The following RPTOR variants were observed in gnomAD, a reference collection of about 807,000 sequenced individuals.
The protein encoded by RPTOR is regulatory-associated protein of mTOR.
In RPTOR, 21 loss-of-function variants were observed where a neutral mutation model predicts 169.9. The observed-to-expected ratio is 0.12, with a 90% confidence interval of 0.09 to 0.18. The LOEUF is 0.18. RPTOR is among the 10% of genes least tolerant of loss of function. The pLI, the probability that RPTOR is intolerant of heterozygous loss-of-function variation, is 1.00. For synonymous variants in RPTOR, 732 were observed against 753.2 expected, an observed-to-expected ratio of 0.97 and a Z score of 0.46; for missense variants, 1,133 against 1,855.9, an observed-to-expected ratio of 0.61 and a Z score of 7.16.
At chr17:80,920,384 G>A (rs2068730858) in intron 21 of RPTOR, among the ~76,000 whole-genome samples, 1 of 152,224 alleles carries the variant, frequency 6.6e-6, no homozygotes. Context: ...TCCTGATCCA[G>A]GTGTGTGTCT....
intron 3 of RPTOR, among the ~76,000 whole-genome samples, chr17:80,665,072 C>A (rs1409668982): frequency 6.6e-6 from 1 of 152,064 alleles, no homozygotes; most frequent in Non-Finnish European, 1.5e-5. Context: ...GAAAGGATAT[C>A]ACTGAGATCT....
At chr17:80,869,169 AT>A (rs2068025338) in intron 13 of RPTOR, among the ~76,000 whole-genome samples, 1 of 151,944 alleles carries the variant, frequency 6.6e-6, no homozygotes, top group Non-Finnish European at 1.5e-5. Context: ...TTGTTTTTTT[AT>A]TTTTTCTGAG....
At chr17:80,665,386 TC>T (rs2065759547) in intron 3 of RPTOR, among the ~76,000 whole-genome samples, 3 of 7,116 alleles carry the variant, frequency 4.2e-4, no homozygotes, top group Admixed American at 3.4e-3. Context: ...TCCTTTCCTT[TC>T]CTTTCCTTTC....
rs182943905 is a variant in RPTOR at position 80,779,101 on chromosome 17, G to A, written c.831-12349G>A. 7.2e-4 allele frequency among the ~76,000 whole-genome samples: 109 copies of A among 152,318 alleles called. No homozygotes were observed. In the Middle Eastern group the frequency reaches 0.01, roughly 14 times the overall value. On this transcript the variant is annotated intron_variant, in intron 6 of 33. Coordinates refer to ENST00000306801, the MANE Select transcript of RPTOR (RefSeq NM_020761.3). ...CAGAAACACAGCCGTGGGCTGAGAT[G>A]CACCTTCTGAGCCCATGGCTGTCCT...
chr17:80,892,572 G>A (rs558379699), intron 18 of RPTOR, among the ~76,000 whole-genome samples, 157 bp from the exon 19 acceptor site: 16 of 152,268 alleles, frequency 1.1e-4, no homozygotes, highest in African/African-American at 3.6e-4. Flanking sequence ...CTCCGCTCAC[G>A]TCTGAGTCTC....
At chr17:80,895,325 C>T (rs985329645) in intron 20 of RPTOR, among the ~76,000 whole-genome samples, 8 of 152,308 alleles carry the variant, frequency 5.3e-5, no homozygotes, top group African/African-American at 7.2e-5. Flanking sequence ...CCCAGCCCCA[C>T]GCCCCACCTG....
chr17:80,623,919 A>T (rs1158532855), intron 1 of RPTOR, among the ~76,000 whole-genome samples: 1 of 151,932 alleles, frequency 6.6e-6, no homozygotes, highest in African/African-American at 2.4e-5. Flanking sequence ...ATTTTTAGAG[A>T]TGGGGTCTTG....
rs1050957802 is a variant in RPTOR at position 80,845,659 on chromosome 17, G to A, written c.1213-814G>A. The stretch of plus-strand genomic sequence containing the variant: ...CCCCAGCTGGGTCTTTCTCACCAGC[G>A]TCCTGTCCCCATTACTCCACATCTA... On this transcript the variant is annotated intron_variant, in intron 10 of 33. Coordinates refer to ENST00000306801, the MANE Select transcript of RPTOR (RefSeq NM_020761.3). The surrounding 1 kb of genome is among the most constrained non-coding windows in gnomAD (Gnocchi z 5.4). 3.3e-5 allele frequency among the ~76,000 whole-genome samples: 5 copies of A among 151,748 alleles called. No individual in the cohort carries two copies. The highest frequency in any genetic ancestry group is 9.7e-5 in the African/African-American group (4 of 41,286).
intron 6 of RPTOR, among the ~76,000 whole-genome samples, chr17:80,786,332 GT>G (rs900103451): frequency 1.5e-4 from 23 of 151,486 alleles, no homozygotes; most frequent in African/African-American, 4.4e-4. Flanking sequence ...ATACATGTGG[GT>G]TTTTTTTTAA....
intron 7 of RPTOR, chr17:80,801,758 G>A (rs1410777162): frequency 6.6e-6 from 1 of 152,214 alleles, no homozygotes; most frequent in Non-Finnish European, 1.5e-5. Flanking sequence ...GGCACTAGAC[G>A]CTGATTTAGA....
intron 9 of RPTOR, among the ~76,000 whole-genome samples, chr17:80,834,770 C>T (rs754522832): frequency 5.9e-5 from 9 of 152,154 alleles, no homozygotes; most frequent in Non-Finnish European, 1.2e-4. Context: ...ATAGGCTTTC[C>T]GGGAGGCATG....
At chr17:80,883,308 T>A in intron 14 of RPTOR, 111 bp from the exon 15 acceptor site, 1 of 949,008 alleles carries the variant, frequency 1.1e-6, no homozygotes. Flanking sequence ...CTCGTTACTT[T>A]AATTATGCGC....
rs529464389 is a variant in RPTOR at position 80,903,250 on chromosome 17, C to T, written c.2402-5561C>T. ...GCGGCAGAGCCAGAAGCCCCGCAGG[C>T]CGCCTGTGCTCTCCACACCTGAACA... On this transcript the variant is annotated intron_variant, in intron 20 of 33. Transcript: ENST00000306801. 8.5e-5 allele frequency among the ~76,000 whole-genome samples: 13 copies of T among 152,348 alleles called. No individual in the cohort carries two copies. The East Asian group carries it at 2.3e-3, about 27-fold the overall frequency.
At chr17:80,775,892 A>G (rs183730285) in intron 6 of RPTOR, among the ~76,000 whole-genome samples, 25 of 152,344 alleles carry the variant, frequency 1.6e-4, no homozygotes, top group Admixed American at 1.6e-3. Flanking sequence ...TATTGTTTTT[A>G]ATTTGAAGAT....
chr17:80,692,974 G>C (rs1031234513), intron 3 of RPTOR, among the ~76,000 whole-genome samples: 8 of 152,104 alleles, frequency 5.3e-5, no homozygotes, highest in African/African-American at 1.9e-4. Context: ...CGTAACCTTG[G>C]GTACATTTAT....
intron 29 of RPTOR, among the ~76,000 whole-genome samples, chr17:80,958,567 C>T (rs1392394157): frequency 2.0e-5 from 3 of 151,804 alleles, no homozygotes; most frequent in African/African-American, 4.8e-5. Context: ...CCCACCACCA[C>T]GCCCAGCTAA....
chr17:80,714,744 C>T (rs965299692), intron 4 of RPTOR, among the ~76,000 whole-genome samples: 10 of 151,994 alleles, frequency 6.6e-5, no homozygotes, highest in Admixed American at 2.0e-4. Context: ...TTTTTTGAAA[C>T]GGAGTCTCTC....
chr17:80,735,986 G>C (rs964120788), intron 5 of RPTOR, among the ~76,000 whole-genome samples: 8 of 152,094 alleles, frequency 5.3e-5, no homozygotes, highest in Admixed American at 5.2e-4. Flanking sequence ...AGCCTGGGCA[G>C]CATAGCGAAA....
In RPTOR at chr17:80,860,511, C is replaced by T. The variant is rs2067905972; in HGVS notation, c.1509+2611C>T. Among the ~76,000 whole-genome samples, 1 of 152,124 alleles carries T rather than the reference C, an allele frequency of 6.6e-6. No homozygotes were observed. The highest frequency in any genetic ancestry group is 2.1e-4 in the South Asian group (1 of 4,832). On this transcript the variant is annotated intron_variant, in intron 13 of 33. Transcript: ENST00000306801. The surrounding 1 kb of genome is among the most constrained non-coding windows in gnomAD (Gnocchi z 5.8). ...CAGCCCTTCTGCTCCCTGCACCCAGCCCTGACCATAGCCTCCCCACACCCC... is the reference window on the plus strand; with the variant it reads ...CAGCCCTTCTGCTCCCTGCACCCAGTCCTGACCATAGCCTCCCCACACCCC...
Sources: allele counts gnomAD v4.1 joint callset (sites outside exome capture counted in the v4.1 genomes callset), GRCh38; gene constraint gnomAD v4.1.1; non-coding constraint Gnocchi (gnomAD v3.1); transcripts MANE v1.5; gene names NCBI Gene and HGNC (gene_info 2026-07-23, HGNC 2026-07-21).